The following MMD variants were observed in gnomAD, a reference collection of about 807,000 sequenced individuals.
The protein encoded by MMD is monocyte to macrophage differentiation associated.
Under a neutral mutation model 33.6 loss-of-function variants are expected in MMD, and 22 were observed. That is an observed-to-expected ratio of 0.66 (90% CI 0.47 to 0.94). MMD has a LOEUF of 0.94. Among genes scored for constraint, MMD ranks in the 40% least tolerant of loss-of-function variants. The probability of loss-of-function intolerance (pLI) is 0.00; values close to 1 mark genes in which losing one functional copy is unlikely to be tolerated. For synonymous variants in MMD, 97 were observed against 103.2 expected, an observed-to-expected ratio of 0.94 and a Z score of 0.36; for missense variants, 242 against 309.8, an observed-to-expected ratio of 0.78 and a Z score of 1.64.
At chr17:55,401,651 T>C (rs925182179) in intron 5 of MMD, 113 bp from the exon 6 acceptor site, 6 of 828,088 alleles carry the variant, frequency 7.2e-6, no homozygotes, top group South Asian at 4.4e-5. Context: ...CTCTTAACTA[T>C]TCAAATAAAA....
intron 1 of MMD, among the ~76,000 whole-genome samples, chr17:55,421,212 G>T (rs1908172416): frequency 6.6e-6 from 1 of 152,216 alleles, no homozygotes; most frequent in Non-Finnish European, 1.5e-5. Flanking sequence ...TCCGCAGGGC[G>T]CCACCCCGTT....
chr17:55,398,944 C>T (rs896321179), intron 6 of MMD, among the ~76,000 whole-genome samples: 8 of 152,150 alleles, frequency 5.3e-5, no homozygotes, highest in Admixed American at 1.3e-4. Flanking sequence ...AGTTTTGGCC[C>T]GTACAACATT....
At chr17:55,415,819 G>A (rs1282154722) in intron 1 of MMD, among the ~76,000 whole-genome samples, 1 of 152,144 alleles carries the variant, frequency 6.6e-6, no homozygotes, top group Non-Finnish European at 1.5e-5. Flanking sequence ...CAGATGGTTT[G>A]AAAACCAACT....
chr17:55,413,407 A>G (rs910544774), intron 2 of MMD, among the ~76,000 whole-genome samples: 2 of 152,212 alleles, frequency 1.3e-5, no homozygotes, highest in Non-Finnish European at 2.9e-5. Flanking sequence ...TGTCACATTA[A>G]CAGGAAAACT....
intron 4 of MMD, among the ~76,000 whole-genome samples, chr17:55,404,120 C>T (rs1907448784): frequency 6.6e-6 from 1 of 152,066 alleles, no homozygotes; most frequent in Non-Finnish European, 1.5e-5. Flanking sequence ...TTTGGGAGGC[C>T]GAGGCAGACG....
rs999636605 is a variant in MMD at position 55,407,917 on chromosome 17, A to G, written c.270-97T>C. 46 of 809,658 alleles carry G rather than the reference A, an allele frequency of 5.7e-5. No homozygotes were observed. The African/African-American group carries it at 7.7e-4, about 14-fold the overall frequency. The allele number at this position is 809,658 out of a possible 1,614,324, so 50.2% of individuals were successfully genotyped here. ...ATGTTGCAATTTCCATTCTTGTTCT[A>G]GTTCTCATGGCCTTTACACTTGTTC... On this transcript the variant is annotated intron_variant, in intron 3 of 6. Transcript: ENST00000262065.
intron 1 of MMD, among the ~76,000 whole-genome samples, chr17:55,417,399 A>G (rs1156760554): frequency 1.3e-5 from 2 of 151,968 alleles, no homozygotes; most frequent in Non-Finnish European, 2.9e-5. Flanking sequence ...AAGACCTAAC[A>G]TCTCAGGTCT....
chr17:55,399,344 G>A (rs567018185), intron 6 of MMD, among the ~76,000 whole-genome samples: 4 of 152,234 alleles, frequency 2.6e-5, no homozygotes, highest in Non-Finnish European at 4.4e-5. Context: ...CCAAAGATTC[G>A]CATTTTCATT....
At chr17:55,398,950 A>G (rs1023520573) in intron 6 of MMD, among the ~76,000 whole-genome samples, 2 of 152,196 alleles carry the variant, frequency 1.3e-5, no homozygotes, top group African/African-American at 4.8e-5. Context: ...GGCCCGTACA[A>G]CATTCAGCTT....
intron 6 of MMD, 48 bp from the exon 7 acceptor site, chr17:55,394,582 T>A: frequency 7.5e-7 from 1 of 1,341,908 alleles, no homozygotes; most frequent in Non-Finnish European, 9.7e-7. Flanking sequence ...TTACTCTGCA[T>A]GGCAAGCTAC....
intron 3 of MMD, among the ~76,000 whole-genome samples, chr17:55,410,969 G>C (rs1314963512): frequency 6.6e-6 from 1 of 152,146 alleles, no homozygotes; most frequent in East Asian, 1.9e-4. Flanking sequence ...TGATAGTACT[G>C]GAAAATAGCT....
At chr17:55,397,074 A>G (rs556470266) in intron 6 of MMD, among the ~76,000 whole-genome samples, 10 of 152,326 alleles carry the variant, frequency 6.6e-5, no homozygotes. Flanking sequence ...ACATGTTAGA[A>G]ACCCCCATGT....
Position 55,401,461 on chromosome 17 carries a change from T to C in MMD, c.516+8A>G. ...GAAAATAACTAAAATTCTGAAGCCA[T>C]GTCTTACCATTGATGTCACCACCAA... On this transcript the variant is annotated splice_region_variant and intron_variant, in intron 6 of 6. Transcript: ENST00000262065. 2 of 1,596,456 alleles carry C rather than the reference T, an allele frequency of 1.3e-6. No individual in the cohort carries two copies. The highest frequency in any genetic ancestry group is 1.1e-5 in the South Asian group (1 of 87,418).
At chr17:55,421,290 CG>C (rs1908175614) in intron 1 of MMD, among the ~76,000 whole-genome samples, 3 of 152,348 alleles carry the variant, frequency 2.0e-5, no homozygotes, top group South Asian at 4.1e-4. Flanking sequence ...TCGGAGGACT[CG>C]GGGGCGGTGC....
intron 1 of MMD, among the ~76,000 whole-genome samples, chr17:55,416,425 C>A (rs1478115440): frequency 6.6e-6 from 1 of 152,086 alleles, no homozygotes; most frequent in Non-Finnish European, 1.5e-5. Context: ...AATATCCCAC[C>A]CATGGTGACT....
rs998644886 is a variant in MMD at position 55,393,588 on chromosome 17, C to T, written c.*746G>A. On this transcript the variant is annotated 3_prime_UTR_variant, in exon 7 of 7. Coordinates refer to ENST00000262065, the MANE Select transcript of MMD (RefSeq NM_012329.3). ...AAGTTAATGATATCAAAATACTTTT[C>T]CATCACTGGTAAACCAAGCTAGGTC... The T allele has an allele frequency of 3.3e-5, 5 of 152,614 alleles. No individual in the cohort carries two copies. Among genetic ancestry groups the T allele is most frequent in the African/African-American group, 1.2e-4 (5 of 41,448 alleles). The allele number at this position is 152,614 out of a possible 1,614,324, so 9.5% of individuals were successfully genotyped here. A position where few individuals can be genotyped will look rare whatever the true frequency, so the allele number is the denominator to read the frequency against.
intron 2 of MMD, among the ~76,000 whole-genome samples, chr17:55,411,675 C>T (rs750652524): frequency 4.2e-4 from 63 of 150,790 alleles, no homozygotes; most frequent in Non-Finnish European, 8.1e-4. Flanking sequence ...CAACATCATT[C>T]AGCTGTTGCA....
rs1402800335 is a variant in MMD at position 55,393,258 on chromosome 17, A to G, written c.*1076T>C. ...TTTAAATATTTTTTCTAGGAAAAAA[A>G]AAAAAAAACACAATATATGAGAAGA... is the stretch of plus-strand genomic sequence containing the variant. On this transcript the variant is annotated 3_prime_UTR_variant, in exon 7 of 7. Transcript: ENST00000262065. 6.6e-6 allele frequency: 1 copy of G among 152,094 alleles called. No individual in the cohort carries two copies. The highest frequency in any genetic ancestry group is 2.4e-5 in the African/African-American group (1 of 41,432). 9.4% of individuals were successfully genotyped at this position (152,094 alleles called of 1,614,324 possible). A position where few individuals can be genotyped will look rare whatever the true frequency, so the allele number is the denominator to read the frequency against.
Position 55,421,701 on chromosome 17 carries a change from C to G in MMD, c.-6G>C, listed in dbSNP as rs1415740871. On this transcript the variant is annotated 5_prime_UTR_variant, in exon 1 of 7. Transcript: ENST00000262065. ...AATCGATTCTTGAACCGCATTGATC[C>G]TCTGCTCCTCCTCGGGGGCCAGGAG... 5 of 1,588,220 alleles carry G rather than the reference C, an allele frequency of 3.1e-6. No homozygotes were observed. Among genetic ancestry groups the G allele is most frequent in the African/African-American group, 1.4e-5 (1 of 72,940 alleles).
Sources: gnomAD v4.1 joint callset for allele counts (sites outside exome capture counted in the v4.1 genomes callset) on GRCh38, gnomAD v4.1.1 for gene constraint, MANE v1.5 for transcripts, NCBI Gene and HGNC (gene_info 2026-07-23, HGNC 2026-07-21) for gene names.